Variants in COL24A1 observed in about 807,000 individuals in gnomAD.
The protein encoded by COL24A1 is collagen alpha-1(XXIV) chain.
In COL24A1, 224 loss-of-function variants were observed where a neutral mutation model predicts 253.9. The ratio of observed to expected loss-of-function variants is 0.88; its 90% CI spans 0.79 to 0.99. The LOEUF is 0.99. Ranked by LOEUF, COL24A1 falls within the 50% of genes least tolerant of loss-of-function variation. The probability of loss-of-function intolerance (pLI) is 0.00; values close to 1 mark genes in which losing one functional copy is unlikely to be tolerated. For synonymous variants in COL24A1, 685 were observed against 673.7 expected, an observed-to-expected ratio of 1.02 and a Z score of -0.26; for missense variants, 2,131 against 2,068.5, an observed-to-expected ratio of 1.03 and a Z score of -0.59.
At chr1:86,113,961 T>G (rs1415487148) in intron 4 of COL24A1, among the ~76,000 whole-genome samples, 2 of 151,452 alleles carry the variant, frequency 1.3e-5, no homozygotes, top group African/African-American at 4.9e-5. Context: ...TGGGGATTAA[T>G]GAATAAGTTG....
In COL24A1 at chr1:86,032,094, T is replaced by A. The variant is rs582163; in HGVS notation, c.2005-172A>T. Reference sequence around the variant, plus strand: ...TGCATCCTCCTGAGAAGCACAAACCTATGGTGGCCATTTATGTTCTTCACA... The same window carrying A: ...TGCATCCTCCTGAGAAGCACAAACCAATGGTGGCCATTTATGTTCTTCACA... On this transcript the variant is annotated intron_variant, in intron 13 of 59. Coordinates refer to ENST00000370571, the MANE Select transcript of COL24A1 (RefSeq NM_152890.7). 9.7e-3 allele frequency among the ~76,000 whole-genome samples: 1,474 copies of A among 152,298 alleles called. 37 individuals carry two copies. Among genetic ancestry groups the A allele is most frequent in the African/African-American group, 0.033 (1,377 of 41,568 alleles).
intron 2 of COL24A1, among the ~76,000 whole-genome samples, chr1:86,133,256 G>A (rs1649591414): frequency 6.6e-6 from 1 of 152,064 alleles, no homozygotes; most frequent in South Asian, 2.1e-4. Context: ...TTGGGGCTGA[G>A]ACGATGGGGT....
intron 7 of COL24A1, among the ~76,000 whole-genome samples, chr1:86,064,022 A>G (rs1302547526): frequency 6.6e-6 from 1 of 152,106 alleles, no homozygotes; most frequent in Non-Finnish European, 1.5e-5. Context: ...CTAAAATGGT[A>G]GCATAGTACT....
chr1:85,901,041 C>T (rs1474664442), intron 28 of COL24A1, among the ~76,000 whole-genome samples: 1 of 151,926 alleles, frequency 6.6e-6, no homozygotes. Context: ...GAAACAAAAC[C>T]AAAAATAGAC....
chr1:85,767,130 TA>T (rs1667467652), intron 53 of COL24A1, among the ~76,000 whole-genome samples: 3 of 151,052 alleles, frequency 2.0e-5, no homozygotes, highest in Non-Finnish European at 2.9e-5. Flanking sequence ...ATAATAATAA[TA>T]ATAAGATTGA....
intron 12 of COL24A1, among the ~76,000 whole-genome samples, chr1:86,046,482 A>G (rs893179174): frequency 6.6e-6 from 1 of 152,170 alleles, no homozygotes; most frequent in Non-Finnish European, 1.5e-5. Context: ...TTGAACCTCT[A>G]CAACATCTGG....
intron 52 of COL24A1, among the ~76,000 whole-genome samples, chr1:85,780,287 TTGTC>T (rs1244676970): frequency 6.6e-6 from 1 of 152,166 alleles, no homozygotes; most frequent in Non-Finnish European, 1.5e-5. Context: ...TATTTTTTAA[TTGTC>T]TGTGTCTATA....
chr1:85,874,571 G>T, intron 35 of COL24A1, 78 bp downstream of exon 35: 2 of 1,274,026 alleles, frequency 1.6e-6, no homozygotes, highest in South Asian at 1.4e-5. Context: ...CCAATTTTTT[G>T]AGTGTTTCGA....
intron 7 of COL24A1, among the ~76,000 whole-genome samples, chr1:86,070,152 G>A (rs1201438713): frequency 6.6e-6 from 1 of 152,170 alleles, no homozygotes; most frequent in Admixed American, 6.5e-5. Flanking sequence ...AAAGACTCAA[G>A]CAGAAATTCC....
intron 37 of COL24A1, among the ~76,000 whole-genome samples, chr1:85,857,562 T>C (rs1028698720): frequency 1.3e-5 from 2 of 151,496 alleles, no homozygotes; most frequent in African/African-American, 4.9e-5. Flanking sequence ...GAGGGAAGAT[T>C]ACCCTGTCCC....
chr1:85,818,029 C>T lies in COL24A1; in HGVS notation c.3843+5G>A, dbSNP rs1673223526. 1.2e-6 allele frequency: 2 copies of T among 1,612,852 alleles called. No homozygotes were observed. The highest frequency in any genetic ancestry group is 2.2e-5 in the South Asian group (2 of 91,038). On this transcript the variant is annotated splice_donor_5th_base_variant and intron_variant, in intron 46 of 59. Transcript: ENST00000370571. ...CAAGAAAGATGAAAGAGGCCTGTTACTTACAGGAATCCCAGGTTTCCCAGA... is the reference window on the plus strand; with the variant it reads ...CAAGAAAGATGAAAGAGGCCTGTTATTTACAGGAATCCCAGGTTTCCCAGA...
At chr1:86,086,254 A>C (rs892421380) in intron 7 of COL24A1, among the ~76,000 whole-genome samples, 3 of 152,150 alleles carry the variant, frequency 2.0e-5, no homozygotes, top group African/African-American at 7.2e-5. Context: ...GATATACTTA[A>C]ATACCACTGT....
intron 13 of COL24A1, 138 bp downstream of exon 13, chr1:86,033,732 C>T (rs1212446609): frequency 2.9e-6 from 2 of 679,636 alleles, no homozygotes; most frequent in Non-Finnish European, 2.3e-6. Context: ...AAATCACAAA[C>T]TGGAATGTGC....
intron 47 of COL24A1, among the ~76,000 whole-genome samples, chr1:85,790,358 C>A (rs1431138975): frequency 6.6e-6 from 1 of 152,036 alleles, no homozygotes; most frequent in Non-Finnish European, 1.5e-5. Flanking sequence ...TTATAGTATT[C>A]TCTGATGGTT....
chr1:85,840,218 C>G (rs1405661690), intron 42 of COL24A1, among the ~76,000 whole-genome samples: 4 of 152,076 alleles, frequency 2.6e-5, no homozygotes, highest in South Asian at 2.1e-4. Flanking sequence ...GAAAAACAAC[C>G]ACTACTATAC....
chr1:86,058,579 G>A (rs1030896926), intron 9 of COL24A1, among the ~76,000 whole-genome samples: 2 of 151,340 alleles, frequency 1.3e-5, no homozygotes, highest in Admixed American at 1.3e-4. Context: ...GAAAACTTAT[G>A]AAAGAAAGCT....
chr1:85,775,685 T>C lies in COL24A1; in HGVS notation c.4363A>G (p.Arg1455Gly), dbSNP rs760666123. Residue 1455 changes from arginine to glycine, a missense_variant, in exon 53 of 60, where the codon AGA becomes GGA. Coordinates refer to ENST00000370571, the MANE Select transcript of COL24A1 (RefSeq NM_152890.7). ...RTGPRGEKGF[R>G]GETGPQGPRG... is the part of the protein sequence containing the mutation. ...TTAGTTAAACTTACAGTTTCACCTC[T>C]AAAGCCCTTTTCACCTCTGGGTCCC... The C allele has an allele frequency of 9.3e-6, 15 of 1,608,370 alleles. No homozygotes were observed. Among genetic ancestry groups the C allele is most frequent in the Middle Eastern group, 1.7e-4 (1 of 6,014 alleles).
rs1420855452 is a variant in COL24A1 at position 86,125,112 on chromosome 1, G to A, written c.1224C>T (p.Leu408=). Residue 408 remains leucine (L), a synonymous_variant, in exon 3 of 60, where the codon CTC becomes CTT. Coordinates refer to ENST00000370571, the MANE Select transcript of COL24A1 (RefSeq NM_152890.7). ...GTAGATTTGCTGTGATAGCCTTCTT[G>A]AGATTAGTAATTGTATCTTGTTTAA... ...PQIKQDTITN[L]KKAITANLHT... 1 of 1,612,080 alleles carries A rather than the reference G, an allele frequency of 6.2e-7. No homozygotes were observed.
intron 35 of COL24A1, 88 bp downstream of exon 35, chr1:85,874,561 C>A: frequency 3.4e-6 from 4 of 1,182,542 alleles, no homozygotes; most frequent in South Asian, 1.5e-5. Flanking sequence ...GGTTTATTAT[C>A]CAATTTTTTG....
Sources: gnomAD v4.1 joint callset for allele counts (sites outside exome capture counted in the v4.1 genomes callset) on GRCh38, gnomAD v4.1.1 for gene constraint, MANE v1.5 for transcripts, NCBI Gene and HGNC (gene_info 2026-07-23, HGNC 2026-07-21) for gene names.